Variants in ADGRV1 observed in about 807,000 individuals in gnomAD.
ADGRV1 encodes G-protein coupled receptor 98.
A neutral mutation model predicts 596.2 loss-of-function variants in ADGRV1; 359 were observed. The ratio of observed to expected loss-of-function variants is 0.60; its 90% confidence interval spans 0.55 to 0.66. The LOEUF (loss-of-function observed/expected upper bound fraction) is 0.66. Ranked by LOEUF, ADGRV1 falls within the 30% of genes least tolerant of loss-of-function variation. The pLI, the probability that ADGRV1 is intolerant of heterozygous loss-of-function variation, is 0.00. For synonymous variants in ADGRV1, 2,681 were observed against 2,679.2 expected (o/e 1.00, Z -0.02); for missense variants, 7,274 against 7,575.6 (o/e 0.96, Z 1.48).
intron 83 of ADGRV1, among the ~76,000 whole-genome samples, chr5:90,937,986 C>T: frequency 6.6e-6 from 1 of 151,984 alleles, no homozygotes; most frequent in East Asian, 1.9e-4. Context: ...TTATTAATTG[C>T]CTTTTATTTG....
intron 86 of ADGRV1, among the ~76,000 whole-genome samples, chr5:91,084,892 T>C (rs570499666): frequency 6.6e-6 from 1 of 152,178 alleles, no homozygotes; most frequent in Non-Finnish European, 1.5e-5. Flanking sequence ...TGGAATACTA[T>C]GCAGACATAA....
At chr5:91,066,577 G>A (rs1787902353) in intron 85 of ADGRV1, among the ~76,000 whole-genome samples, 1 of 152,192 alleles carries the variant, frequency 6.6e-6, no homozygotes, top group Non-Finnish European at 1.5e-5. Flanking sequence ...ACAAGAAGGT[G>A]TTAAGTATAT....
At chr5:90,580,449 G>A (rs572154813) in intron 1 of ADGRV1, among the ~76,000 whole-genome samples, 55 of 151,854 alleles carry the variant, frequency 3.6e-4, no homozygotes, top group African/African-American at 1.3e-3. Context: ...ACGTAGATTT[G>A]GTCTTTTCAC....
chr5:91,059,240 T>C (rs533652228), intron 85 of ADGRV1, among the ~76,000 whole-genome samples: 1 of 152,274 alleles, frequency 6.6e-6, no homozygotes, highest in Non-Finnish European at 1.5e-5. Flanking sequence ...GTTTTCCCTA[T>C]TTTATTTTTT....
In ADGRV1 at chr5:90,756,456, T is replaced by G. The variant is rs1234347387; in HGVS notation, c.11583T>G (p.Asp3861Glu). ...CATCTTTTTCCCCCATCCCCCAGGA[T>G]GACCTTCCTGAATTGGAGGAAGGAT... Reference protein sequence around the residue: ...EAHAEVSILPDDLPELEEGFI... With the variant: ...EAHAEVSILPEDLPELEEGFI... The change falls in exon 56 of 90, where the codon GAT becomes GAG. Residue 3861 changes from aspartate to glutamate, a missense_variant and splice_region_variant. Around this residue, in one of 5 missense-constraint regions of ADGRV1, gnomAD observed 3,643 missense variants for 3,809.2 expected, o/e 0.96. Transcript: ENST00000405460. The G allele has an allele frequency of 6.6e-7, 1 of 1,505,578 alleles. No individual in the cohort carries two copies. Among genetic ancestry groups the G allele is most frequent in the South Asian group, 1.4e-5 (1 of 69,674 alleles). 93.3% of individuals were successfully genotyped at this position (1,505,578 alleles called of 1,614,324 possible).
chr5:90,695,363 A>G (rs1330593955), intron 33 of ADGRV1, among the ~76,000 whole-genome samples: 1 of 152,142 alleles, frequency 6.6e-6, no homozygotes, highest in East Asian at 1.9e-4. Context: ...CTCGTGTGCT[A>G]TTTAAAATTG....
chr5:90,731,355 T>A (rs1436065076), intron 50 of ADGRV1, among the ~76,000 whole-genome samples: 1 of 152,182 alleles, frequency 6.6e-6, no homozygotes, highest in Non-Finnish European at 1.5e-5. Context: ...TCCGCCTCTA[T>A]GATCCAATCA....
At chr5:91,006,924 G>A (rs1251160913) in intron 85 of ADGRV1, among the ~76,000 whole-genome samples, 1 of 152,130 alleles carries the variant, frequency 6.6e-6, no homozygotes, top group African/African-American at 2.4e-5. Context: ...TACAGTGGGT[G>A]ATTGCCAACA....
chr5:91,117,223 A>G (rs1792924263), intron 87 of ADGRV1, among the ~76,000 whole-genome samples: 1 of 152,222 alleles, frequency 6.6e-6, no homozygotes, highest in Admixed American at 6.5e-5. Context: ...TGTCAAAAAT[A>G]TAAAGTAAAT....
At chr5:91,038,862 T>C (rs1217345368) in intron 85 of ADGRV1, among the ~76,000 whole-genome samples, 2 of 152,210 alleles carry the variant, frequency 1.3e-5, no homozygotes, top group African/African-American at 4.8e-5. Context: ...ACCATTGTGC[T>C]ATCAGTTGGT....
At chr5:90,721,409 C>T (rs1180232403) in intron 45 of ADGRV1, among the ~76,000 whole-genome samples, 1 of 151,824 alleles carries the variant, frequency 6.6e-6, no homozygotes, top group African/African-American at 2.4e-5. Context: ...GAGGCTAAGA[C>T]AGGAGAATGG....
At chr5:91,158,036 A>G (rs557783339) in intron 89 of ADGRV1, among the ~76,000 whole-genome samples, 10 of 152,314 alleles carry the variant, frequency 6.6e-5, no homozygotes, top group African/African-American at 1.7e-4. Context: ...TCTCACCTAT[A>G]ATAACTGGGC....
intron 86 of ADGRV1, among the ~76,000 whole-genome samples, chr5:91,082,520 T>C (rs1789483574): frequency 6.6e-6 from 1 of 152,118 alleles, no homozygotes; most frequent in African/African-American, 2.4e-5. Flanking sequence ...TACAGAGCAT[T>C]TTTAAAAGAG....
intron 45 of ADGRV1, among the ~76,000 whole-genome samples, chr5:90,723,223 G>A (rs1751317544): frequency 6.6e-6 from 1 of 152,158 alleles, no homozygotes; most frequent in Non-Finnish European, 1.5e-5. Context: ...AAGTTTGGCA[G>A]GGAAGATAGG....
At chr5:90,638,049 A>G (rs1766459841) in intron 11 of ADGRV1, 101 bp downstream of exon 11, 1 of 838,932 alleles carries the variant, frequency 1.2e-6, no homozygotes, top group Non-Finnish European at 1.8e-6. Flanking sequence ...TAAAGTAAAA[A>G]AAAAAGTCAA....
At chr5:91,066,777 GT>G (rs1351969836) in intron 85 of ADGRV1, among the ~76,000 whole-genome samples, 5 of 152,228 alleles carry the variant, frequency 3.3e-5, no homozygotes, top group Non-Finnish European at 4.4e-5. Context: ...AAGGCAGGCA[GT>G]TTTTGTTTGA....
At chr5:90,860,151 G>A (rs1767409847) in intron 82 of ADGRV1, among the ~76,000 whole-genome samples, 1 of 151,870 alleles carries the variant, frequency 6.6e-6, no homozygotes, top group South Asian at 2.1e-4. Flanking sequence ...GTGACTAGTG[G>A]CTATTATATT....
At chr5:90,586,160 G>A (rs1252204228) in intron 1 of ADGRV1, among the ~76,000 whole-genome samples, 1 of 152,106 alleles carries the variant, frequency 6.6e-6, no homozygotes. Context: ...ATAGTAAAAT[G>A]AGCCCCTTTT....
At chr5:90,616,681 C>A (rs945880269) in intron 2 of ADGRV1, among the ~76,000 whole-genome samples, 5 of 151,962 alleles carry the variant, frequency 3.3e-5, no homozygotes, top group Admixed American at 2.6e-4. Flanking sequence ...GGGGAATATC[C>A]CCAATGATCC....
Sources: allele counts gnomAD v4.1 joint callset (sites outside exome capture counted in the v4.1 genomes callset), GRCh38; gene constraint gnomAD v4.1.1; regional missense constraint gnomAD v4.1.1; transcripts MANE v1.5; gene names NCBI Gene and HGNC (gene_info 2026-07-23, HGNC 2026-07-21).